EPB41L3: variants seen among roughly 807,000 people sequenced by gnomAD.
The protein encoded by EPB41L3 is erythrocyte membrane protein band 4.1 like 3.
A neutral mutation model predicts 127.1 loss-of-function variants in EPB41L3; 57 were observed. The ratio of observed to expected loss-of-function variants is 0.45; its 90% confidence interval spans 0.36 to 0.56. The LOEUF (loss-of-function observed/expected upper bound fraction) is 0.56, where lower values mean the gene tolerates loss of function less well. Ranked by LOEUF, EPB41L3 falls within the 20% of genes least tolerant of loss-of-function variation. The pLI is 0.00. For synonymous variants in EPB41L3, 572 were observed against 549.5 expected, an observed-to-expected ratio of 1.04 and a Z score of -0.57; for missense variants, 1,273 against 1,372.2, an observed-to-expected ratio of 0.93 and a Z score of 1.14.
chr18:5,409,125 G>A (rs899171214), intron 14 of EPB41L3, among the ~76,000 whole-genome samples: 5 of 152,156 alleles, frequency 3.3e-5, no homozygotes, highest in Admixed American at 1.3e-4. Flanking sequence ...TCAGTATCAC[G>A]GGGCAAACAG....
At chr18:5,541,045 A>G (rs1598830007) in intron 1 of EPB41L3, among the ~76,000 whole-genome samples, 1 of 136,798 alleles carries the variant, frequency 7.3e-6, no homozygotes, top group African/African-American at 2.7e-5. Context: ...AGATCGCACC[A>G]CTGCACTCCA....
chr18:5,396,406 TTGG>T, intron 18 of EPB41L3, 74 bp from the exon 19 acceptor site: 1 of 1,574,228 alleles, frequency 6.4e-7, no homozygotes, highest in Non-Finnish European at 8.7e-7. Context: ...TTTTCCTCTC[TTGG>T]TGGTTATAAG....
At chr18:5,421,738 C>T (rs185981845) in intron 11 of EPB41L3, among the ~76,000 whole-genome samples, 58 of 152,240 alleles carry the variant, frequency 3.8e-4, no homozygotes, top group Middle Eastern at 3.4e-3. Context: ...AAATACCATA[C>T]GTTCTCATGT....
chr18:5,544,217 C>T (rs1028475594), upstream of EPB41L3: 2 of 985,626 alleles, frequency 2.0e-6, no homozygotes, highest in Non-Finnish European at 2.4e-6. Flanking sequence ...TCCGTCCTGG[C>T]GCAGGGTCAG....
intron 1 of EPB41L3, among the ~76,000 whole-genome samples, chr18:5,490,530 A>G (rs2148325113): frequency 6.6e-6 from 1 of 152,344 alleles, no homozygotes; most frequent in African/African-American, 2.4e-5. Flanking sequence ...ATCACCAGAT[A>G]TTCTTTCTGT....
intron 22 of EPB41L3, 177 bp from the exon 23 acceptor site, chr18:5,393,655 G>A (rs1403659943): frequency 6.4e-6 from 3 of 471,120 alleles, no homozygotes; most frequent in South Asian, 4.0e-5. Flanking sequence ...TTACAACAAC[G>A]CCCAAGTGGC....
intron 3 of EPB41L3, among the ~76,000 whole-genome samples, chr18:5,475,997 C>G (rs1211205674): frequency 6.6e-6 from 1 of 152,092 alleles, no homozygotes; most frequent in African/African-American, 2.4e-5. Flanking sequence ...AGCTCACCAG[C>G]CAAACTTTAC....
At chr18:5,537,345 A>C (rs2093604357) in intron 1 of EPB41L3, among the ~76,000 whole-genome samples, 1 of 152,332 alleles carries the variant, frequency 6.6e-6, no homozygotes, top group Non-Finnish European at 1.5e-5. Context: ...TTCTACCTTA[A>C]ACAATCCAAA....
intron 3 of EPB41L3, among the ~76,000 whole-genome samples, chr18:5,465,874 T>G (rs1418836229): frequency 6.6e-6 from 1 of 152,134 alleles, no homozygotes; most frequent in African/African-American, 2.4e-5. Context: ...CCTGTAGATA[T>G]TCAGATATTC....
chr18:5,440,585 G>A (rs2080545658), intron 5 of EPB41L3, among the ~76,000 whole-genome samples: 2 of 152,142 alleles, frequency 1.3e-5, no homozygotes, highest in African/African-American at 2.4e-5. Flanking sequence ...TTTCTATAAT[G>A]CTGATGTGGA....
intron 22 of EPB41L3, chr18:5,394,447 T>A: frequency 2.1e-6 from 1 of 468,900 alleles, no homozygotes; most frequent in Non-Finnish European, 3.9e-6. Context: ...AAGCATAGAC[T>A]CTGCTCTTCC....
At chr18:5,443,774 A>G (rs892147518) in intron 5 of EPB41L3, 64 bp downstream of exon 5, 3 of 1,411,974 alleles carry the variant, frequency 2.1e-6, no homozygotes, top group African/African-American at 1.4e-5. Context: ...TGGGCTACCA[A>G]TTCAGACAAC....
rs534673333 is a variant in EPB41L3, at chr18:5,561,009, G to C, written c.-306+51331C>G. Among the ~76,000 whole-genome samples, 140 of 128,646 alleles carry C rather than the reference G, an allele frequency of 1.1e-3. 8 individuals carry two copies. Among genetic ancestry groups the C allele is most frequent in the Non-Finnish European group, 1.8e-3 (104 of 56,700 alleles). The allele number at this position is 128,646 out of a possible 152,430, so 84.4% of individuals were successfully genotyped here. A position where few individuals can be genotyped will look rare whatever the true frequency, so the allele number is the denominator to read the frequency against. ...TTTATTTATTTTGAGATGGAGTCTC[G>C]CTCTGTCGCCCAGGCTGGAGTGCAG... On this transcript the variant is annotated intron_variant, in intron 3 of 21. Coordinates refer to the EPB41L3 transcript ENST00000545076.
intron 3 of EPB41L3, among the ~76,000 whole-genome samples, chr18:5,552,035 G>A (rs2093973665): frequency 6.6e-6 from 1 of 152,190 alleles, no homozygotes; most frequent in Non-Finnish European, 1.5e-5. Flanking sequence ...TTCCTCAAAA[G>A]AGAGAGGCTA....
At position 5,478,297 on chromosome 18, in the gene EPB41L3, T is replaced by C; in HGVS notation, c.325A>G (p.Ser109Gly). ...AGAAGTATCACTTTGCACTGCATGC[T>C]TTTAGGCTTTTTGACAATCTTTAAT... ...SPLKIVKKPKSMQCKVILLDG... is the reference protein window; with the variant it reads ...SPLKIVKKPKGMQCKVILLDG... Residue 109 changes from serine (S) to glycine (G), a missense_variant, in exon 3 of 23, where the codon AGC becomes GGC. Ser to Gly is a moderately conservative substitution (Grantham distance 56, BLOSUM62 0). This residue lies in a region of EPB41L3 where 182 missense variants were observed against 149.2 expected (regional missense o/e 1.22). Coordinates refer to ENST00000341928, the MANE Select transcript of EPB41L3 (RefSeq NM_012307.5). 1 of 1,614,162 alleles carries C rather than the reference T, an allele frequency of 6.2e-7. No homozygotes were observed.
intron 20 of EPB41L3, among the ~76,000 whole-genome samples, 186 bp from the exon 21 acceptor site, chr18:5,395,333 G>C (rs1347218527): frequency 1.3e-5 from 2 of 152,198 alleles, no homozygotes; most frequent in African/African-American, 4.8e-5. Flanking sequence ...CTTGGGTCTG[G>C]ATGGCCCATG....
chr18:5,481,110 A>G (rs1384463166), intron 2 of EPB41L3: 1 of 152,228 alleles, frequency 6.6e-6, no homozygotes, highest in African/African-American at 2.4e-5. Flanking sequence ...CTCCATCACA[A>G]AGCATCTGAG....
intron 9 of EPB41L3, among the ~76,000 whole-genome samples, chr18:5,427,057 A>T (rs930184460): frequency 2.0e-5 from 3 of 152,108 alleles, no homozygotes; most frequent in African/African-American, 7.2e-5. Context: ...AGGCTGGGGT[A>T]CAGTGGTGTG....
At chr18:5,562,545 AT>A (rs2094147330) in intron 3 of EPB41L3, among the ~76,000 whole-genome samples, 1 of 152,158 alleles carries the variant, frequency 6.6e-6, no homozygotes, top group Non-Finnish European at 1.5e-5. Context: ...TATAAAGGGG[AT>A]GGGTCAGGGT....
Sources: allele counts gnomAD v4.1 joint callset (sites outside exome capture counted in the v4.1 genomes callset), GRCh38; gene constraint gnomAD v4.1.1; regional missense constraint gnomAD v4.1.1; transcripts MANE v1.5; gene names NCBI Gene and HGNC (gene_info 2026-07-23, HGNC 2026-07-21).